Variants in ADGRG4 observed in about 807,000 individuals in gnomAD.
ADGRG4 encodes adhesion G protein-coupled receptor G4, also known as G protein-coupled receptor 112.
ADGRG4 carries 122 observed loss-of-function variants against 126.2 expected under a neutral mutation model. The observed-to-expected ratio is 0.97, with a 90% CI of 0.83 to 1.12. ADGRG4 has a LOEUF of 1.12. ADGRG4 is among the 50% of genes most tolerant of loss of function. ADGRG4 has a pLI of 0.00. For synonymous variants in ADGRG4, 943 were observed against 838.7 expected (o/e 1.12, Z -2.15); for missense variants, 2,481 against 2,251.8 (o/e 1.10, Z -2.06).
intron 5 of ADGRG4, among the ~76,000 whole-genome samples, chrX:136,333,483 A>AT (rs1203919478): frequency 9.0e-6 from 1 of 110,700 alleles, no homozygotes; most frequent in Admixed American, 9.6e-5. Flanking sequence ...TAGTCTGTAG[A>AT]TTTTTTAAAA....
chrX:136,357,091 G>A (rs762376139), intron 9 of ADGRG4, among the ~76,000 whole-genome samples: 3 of 112,333 alleles, frequency 2.7e-5, no homozygotes, highest in Non-Finnish European at 5.6e-5. Flanking sequence ...AGCTGAGTCA[G>A]AAATTTTGAT....
intron 15 of ADGRG4, among the ~76,000 whole-genome samples, chrX:136,374,493 T>C (rs2075214007): frequency 9.0e-6 from 1 of 111,163 alleles, no homozygotes; most frequent in African/African-American, 3.3e-5. Context: ...GCAGTGGCAC[T>C]ATATCTCCCC....
At chrX:136,314,102 T>C (rs1358554864) in intron 4 of ADGRG4, among the ~76,000 whole-genome samples, 1 of 110,890 alleles carries the variant, frequency 9.0e-6, no homozygotes, top group African/African-American at 3.3e-5. Context: ...TCTCTCTCTT[T>C]TTAAACCATT....
rs772329482 is a variant in ADGRG4 at position 136,346,999 on chromosome X, A to C, written c.3293A>C (p.Lys1098Thr). The C allele has an allele frequency of 8.3e-7, 1 of 1,210,505 alleles. No homozygotes were observed. The highest frequency in any genetic ancestry group is 1.1e-6 in the Non-Finnish European group (1 of 894,425). Residue 1098 changes from lysine (K) to threonine (T), a missense_variant, in exon 6 of 26, where the codon AAG becomes ACG. Physicochemically the swap from Lys to Thr is moderately conservative, Grantham distance 78. Transcript: ENST00000394143. Reference sequence around the variant, plus strand: ...GAGGCCACGGTAATCTCTGTCAGGAAGACATCCATGGCAGTTCCTTCTCTG... The same window carrying C: ...GAGGCCACGGTAATCTCTGTCAGGACGACATCCATGGCAGTTCCTTCTCTG... ...TSEATVISVR[K>T]TSMAVPSLTE...
chrX:136,394,388 CCTT>C lies in ADGRG4; in HGVS notation c.8080+811_8080+813del, dbSNP rs769140807. Among the ~76,000 whole-genome samples the C allele has an allele frequency of 6.2e-5, 7 of 112,169 alleles. No homozygotes were observed. The East Asian group carries it at 2.0e-3, about 31-fold the overall frequency. On this transcript the variant is annotated intron_variant, in intron 18 of 25. Coordinates refer to ENST00000394143, the MANE Select transcript of ADGRG4 (RefSeq NM_153834.4). ...CGCCAGGAGTGGCTAAGTGAGGAGT[CCTT>C]CTGCCTGTGGAAACTCTGCCTGGAA...
At chrX:136,333,671 C>A (rs1377558104) in intron 5 of ADGRG4, among the ~76,000 whole-genome samples, 1 of 110,571 alleles carries the variant, frequency 9.0e-6, no homozygotes, top group Non-Finnish European at 1.9e-5. Context: ...GCACATGCCA[C>A]CATGCCTGGC....
intron 6 of ADGRG4, among the ~76,000 whole-genome samples, chrX:136,351,069 A>C: frequency 8.9e-6 from 1 of 111,964 alleles, no homozygotes. Flanking sequence ...GCAGAAAACA[A>C]GGCACAGGAA....
At chrX:136,379,045 G>A (rs1270409320) in intron 15 of ADGRG4, among the ~76,000 whole-genome samples, 1 of 111,757 alleles carries the variant, frequency 8.9e-6, no homozygotes, top group East Asian at 2.8e-4. Flanking sequence ...TTCAGAAAGA[G>A]TTTGTGTAAC....
Position 136,371,407 on chromosome X carries a change from T to G in ADGRG4, c.7476T>G (p.Ile2492Met), listed in dbSNP as rs374335302. ...SPALGKEETK[I>M]IVSKISDISQ... ...CCCTGGGTAAAGAAGAGACAAAGAT[T>G]ATTGTTTCTAAAATATCAGATATTT... The change falls in exon 14 of 26, where the codon ATT becomes ATG. Residue 2492 changes from isoleucine to methionine, a missense_variant. Coordinates refer to ENST00000394143, the MANE Select transcript of ADGRG4 (RefSeq NM_153834.4). 8.4e-7 allele frequency: 1 copy of G among 1,188,710 alleles called. No individual in the cohort carries two copies. Among genetic ancestry groups the G allele is most frequent in the Non-Finnish European group, 1.1e-6 (1 of 877,802 alleles).
chrX:136,327,943 T>C (rs1439770589), intron 5 of ADGRG4, among the ~76,000 whole-genome samples: 1 of 111,449 alleles, frequency 9.0e-6, no homozygotes, highest in Non-Finnish European at 1.9e-5. Flanking sequence ...AAGTCTCCTT[T>C]CACTTCAATC....
chrX:136,410,724 C>T (rs1232970492), intron 23 of ADGRG4, among the ~76,000 whole-genome samples: 2 of 111,213 alleles, frequency 1.8e-5, no homozygotes, highest in Non-Finnish European at 3.8e-5. Context: ...ATTGAGCGGC[C>T]GCACTTAGTG....
At chrX:136,360,909 G>T (rs906469124) in intron 11 of ADGRG4, among the ~76,000 whole-genome samples, 24 of 111,896 alleles carry the variant, frequency 2.1e-4, no homozygotes, top group African/African-American at 7.5e-4. Context: ...CTAACAGTGG[G>T]TATCTCAGAA....
At chrX:136,306,166 G>A (rs1313100196) in intron 3 of ADGRG4, 1 of 111,306 alleles carries the variant, frequency 9.0e-6, no homozygotes, top group Non-Finnish European at 1.9e-5. Flanking sequence ...TCTCAGGTAA[G>A]TGTTTCTCTT....
rs1219064272 is a variant in ADGRG4 at position 136,380,604 on chromosome X, CTCTTCTTCTTCTTCTTCT to C, written c.7777-7106_7777-7089del. Among the ~76,000 whole-genome samples the C allele has an allele frequency of 3.1e-4, 17 of 55,346 alleles. No individual in the cohort carries two copies. In the East Asian group the frequency reaches 6.2e-3, roughly 20 times the overall value. 48.1% of individuals were successfully genotyped at this position (55,346 alleles called of 115,157 possible). A position where few individuals can be genotyped will look rare whatever the true frequency, so the allele number is the denominator to read the frequency against. ...CCTCCTCCTCCTCCTCCTCCTCCTC[CTCTTCTTCTTCTTCTTCT>C]TCTTCTTCTTCTTCTTCTTCTTCTT... is the stretch of plus-strand genomic sequence containing the variant. On this transcript the variant is annotated intron_variant, in intron 15 of 25. Coordinates refer to ENST00000394143, the MANE Select transcript of ADGRG4 (RefSeq NM_153834.4).
intron 16 of ADGRG4, among the ~76,000 whole-genome samples, chrX:136,390,423 A>C (rs2075313889): frequency 9.0e-6 from 1 of 111,391 alleles, no homozygotes; most frequent in Admixed American, 9.6e-5. Context: ...TCTAGCTGTG[A>C]TTCTCAGGGA....
chrX:136,344,860 T>G lies in ADGRG4; in HGVS notation c.1154T>G (p.Val385Gly), dbSNP rs2075002435. The G allele has an allele frequency of 8.3e-7, 1 of 1,209,997 alleles. No homozygotes were observed. The highest frequency in any genetic ancestry group is 1.7e-5 in the African/African-American group (1 of 57,910). Residue 385 changes from valine (V) to glycine (G), a missense_variant, in exon 6 of 26, where the codon GTA becomes GGA. Physicochemically the swap from Val to Gly is moderately radical, Grantham distance 109. Coordinates refer to ENST00000394143, the MANE Select transcript of ADGRG4 (RefSeq NM_153834.4). ...STSRFTKNSV[V>G]STTSAIKSQS... ...TCCAGATTTACCAAGAATTCAGTTG[T>G]ATCTACAACTTCAGCAATTAAATCT... is the stretch of plus-strand genomic sequence containing the variant.
Position 136,384,916 on chromosome X carries a change from C to T in ADGRG4, c.7777-2824C>T, listed in dbSNP as rs767180780. Among the ~76,000 whole-genome samples, 5 of 110,413 alleles carry T rather than the reference C, an allele frequency of 4.5e-5. No individual in the cohort carries two copies. The South Asian group carries it at 1.9e-3, about 42-fold the overall frequency. ...CATTTTTTTTTTCTTTGTACTTATC[C>T]TGCTAAGGGTTTGCTGAGCTTCTTG... On this transcript the variant is annotated intron_variant, in intron 15 of 25. Transcript: ENST00000394143.
chrX:136,339,801 T>C (rs1480789901), intron 5 of ADGRG4, among the ~76,000 whole-genome samples: 1 of 112,444 alleles, frequency 8.9e-6, no homozygotes, highest in African/African-American at 3.2e-5. Context: ...AGTGGCTCTA[T>C]GCCATCTTGT....
intron 18 of ADGRG4, among the ~76,000 whole-genome samples, 169 bp downstream of exon 18, chrX:136,393,749 A>G (rs2075332139): frequency 9.0e-6 from 1 of 111,722 alleles, no homozygotes. Flanking sequence ...CATGGGAATT[A>G]AGACAACTTT....
Sources: gnomAD v4.1 joint callset for allele counts (sites outside exome capture counted in the v4.1 genomes callset) on GRCh38, gnomAD v4.1.1 for gene constraint, MANE v1.5 for transcripts, NCBI Gene and HGNC (gene_info 2026-07-23, HGNC 2026-07-21) for gene names.